The following SORCS3 variants were observed in gnomAD, a reference collection of about 807,000 sequenced individuals.
SORCS3 encodes the protein sortilin related VPS10 domain containing receptor 3, also known as VPS10 domain-containing receptor SorCS3.
A neutral mutation model predicts 146.3 loss-of-function variants in SORCS3; 57 were observed. The observed-to-expected ratio is 0.39, with a 90% CI of 0.31 to 0.49. The LOEUF (loss-of-function observed/expected upper bound fraction) is 0.49, where lower values mean the gene tolerates loss of function less well. Among genes scored for constraint, SORCS3 ranks in the 20% least tolerant of loss-of-function variants. SORCS3 has a pLI of 0.92. For synonymous variants in SORCS3, 653 were observed against 618.5 expected (o/e 1.06, Z -0.83); for missense variants, 1,341 against 1,575.5 (o/e 0.85, Z 2.52).
chr10:104,791,631 G>A (rs1382287155), intron 1 of SORCS3, among the ~76,000 whole-genome samples: 2 of 152,150 alleles, frequency 1.3e-5, no homozygotes, highest in Admixed American at 6.5e-5. Context: ...GTGAAGCTCA[G>A]GCTCTGCAGG....
chr10:105,008,338 C>G (rs2055110387), intron 4 of SORCS3, among the ~76,000 whole-genome samples: 1 of 152,172 alleles, frequency 6.6e-6, no homozygotes, highest in South Asian at 2.1e-4. Flanking sequence ...TCACTGATGT[C>G]TCATGAAAAC....
At position 105,211,205 on chromosome 10, in the gene SORCS3, C is replaced by G; in HGVS notation, c.2330C>G (p.Pro777Arg). The change falls in exon 17 of 27, where the codon CCA becomes CGA. Residue 777 changes from proline (P) to arginine (R), a missense_variant. Pro to Arg is a moderately radical substitution (Grantham distance 103). Transcript: ENST00000369701. The stretch of plus-strand genomic sequence containing the variant: ...GCTTTCTGGTACAATCCAGCATCCC[C>G]ATCAAAGGACTGCAGCCTTGGTCAA... Reference protein sequence around the residue: ...VPAFWYNPASPSKDCSLGQSY... With the variant: ...VPAFWYNPASRSKDCSLGQSY... 1.2e-6 allele frequency: 2 copies of G among 1,614,056 alleles called. No individual in the cohort carries two copies. Among genetic ancestry groups the G allele is most frequent in the Non-Finnish European group, 1.7e-6 (2 of 1,179,948 alleles).
rs1166966300 is a variant in SORCS3 at position 104,929,677 on chromosome 10, A to G, written c.795+13745A>G. On this transcript the variant is annotated intron_variant, in intron 3 of 26. Transcript: ENST00000369701. ...CCCTGGGGACACAGGCTCTAAGCCT[A>G]TCCCAGCAGACTCAATCAACAGGTC... Among the ~76,000 whole-genome samples, 4 of 152,188 alleles carry G rather than the reference A, an allele frequency of 2.6e-5. No individual in the cohort carries two copies. The East Asian group carries it at 7.7e-4, about 29-fold the overall frequency.
At chr10:104,976,400 G>A (rs1384407979) in intron 3 of SORCS3, among the ~76,000 whole-genome samples, 1 of 152,164 alleles carries the variant, frequency 6.6e-6, no homozygotes, top group Non-Finnish European at 1.5e-5. Flanking sequence ...TCATTAAAAA[G>A]TCAGGAAGCA....
intron 5 of SORCS3, among the ~76,000 whole-genome samples, chr10:105,085,756 G>C (rs757773069): frequency 1.3e-5 from 2 of 152,114 alleles, no homozygotes; most frequent in South Asian, 2.1e-4. Flanking sequence ...CTAGTGGTCT[G>C]TCTGTCTCTT....
chr10:104,696,875 C>T (rs373990478), intron 1 of SORCS3, among the ~76,000 whole-genome samples: 4 of 147,444 alleles, frequency 2.7e-5, no homozygotes, highest in Non-Finnish European at 4.4e-5. Context: ...TGAAATAAGC[C>T]GGACACAGAA....
At chr10:104,709,563 T>G (rs926549902) in intron 1 of SORCS3, among the ~76,000 whole-genome samples, 1 of 152,224 alleles carries the variant, frequency 6.6e-6, no homozygotes, top group Non-Finnish European at 1.5e-5. Flanking sequence ...TGTACAATTA[T>G]ATATCTTTTC....
chr10:105,063,950 T>C (rs575264551), intron 5 of SORCS3, among the ~76,000 whole-genome samples: 1 of 152,352 alleles, frequency 6.6e-6, no homozygotes, highest in South Asian at 2.1e-4. Flanking sequence ...GTCCTCTCTA[T>C]GGTAGCAGCT....
chr10:104,855,716 A>AGTGTGTGTGTGTGTGTGT (rs58569291), intron 2 of SORCS3, among the ~76,000 whole-genome samples: 3 of 150,752 alleles, frequency 2.0e-5, no homozygotes, highest in African/African-American at 7.3e-5. Flanking sequence ...TTTGCTTTTG[A>AGTGTGTGTGTGTGTGTGT]GTGTGTGTGT....
At chr10:105,157,377 A>C in intron 10 of SORCS3, 93 bp downstream of exon 10, 1 of 1,478,134 alleles carries the variant, frequency 6.8e-7, no homozygotes, top group South Asian at 1.2e-5. Flanking sequence ...GGGTCTTAGG[A>C]ACTCAGGTGG....
chr10:105,259,303 T>G (rs2119770140), intron 25 of SORCS3, among the ~76,000 whole-genome samples: 1 of 152,328 alleles, frequency 6.6e-6, no homozygotes, highest in South Asian at 2.1e-4. Context: ...GTAAAGACAT[T>G]TCTGTTTCTG....
intron 4 of SORCS3, among the ~76,000 whole-genome samples, chr10:104,988,761 T>C (rs1200335150): frequency 6.6e-6 from 1 of 152,194 alleles, no homozygotes; most frequent in African/African-American, 2.4e-5. Context: ...AAAACAGATA[T>C]AGTGTTTGTT....
At chr10:105,040,920 G>C (rs1340873225) in intron 4 of SORCS3, among the ~76,000 whole-genome samples, 1 of 150,708 alleles carries the variant, frequency 6.6e-6, no homozygotes, top group African/African-American at 2.4e-5. Flanking sequence ...TAGTCACTAT[G>C]CAGCACCAAG....
chr10:104,994,180 T>G (rs1214413181), intron 4 of SORCS3, among the ~76,000 whole-genome samples: 8 of 152,206 alleles, frequency 5.3e-5, no homozygotes, highest in Admixed American at 5.2e-4. Flanking sequence ...GTTACCATCT[T>G]TGCTATCATA....
At chr10:105,176,770 A>G (rs1470222290) in intron 13 of SORCS3, among the ~76,000 whole-genome samples, 1 of 151,794 alleles carries the variant, frequency 6.6e-6, no homozygotes, top group Admixed American at 6.6e-5. Context: ...CAGGAGAATC[A>G]CTTGAACCTG....
chr10:104,665,172 A>G (rs1029804461), intron 1 of SORCS3: 3 of 152,294 alleles, frequency 2.0e-5, no homozygotes, highest in African/African-American at 7.2e-5. Context: ...CTATGCATGT[A>G]TCAGTATGAA....
intron 3 of SORCS3, among the ~76,000 whole-genome samples, chr10:104,947,427 C>T (rs1205905354): frequency 1.3e-5 from 2 of 152,114 alleles, no homozygotes; most frequent in Non-Finnish European, 1.5e-5. Flanking sequence ...GAGCTTCATT[C>T]TCTTTCCTCT....
intron 20 of SORCS3, among the ~76,000 whole-genome samples, chr10:105,236,778 A>G (rs146638528): frequency 2.0e-4 from 31 of 152,282 alleles, no homozygotes; most frequent in Middle Eastern, 3.4e-3. Context: ...TGTAATAATT[A>G]TCTGTGTTAA....
At chr10:105,208,843 A>G (rs2056617559) in intron 16 of SORCS3, among the ~76,000 whole-genome samples, 1 of 152,186 alleles carries the variant, frequency 6.6e-6, no homozygotes, top group African/African-American at 2.4e-5. Flanking sequence ...CACTGAGTCC[A>G]TACGAACTGT....
Sources: gnomAD v4.1 joint callset for allele counts (sites outside exome capture counted in the v4.1 genomes callset) on GRCh38, gnomAD v4.1.1 for gene constraint, MANE v1.5 for transcripts, NCBI Gene and HGNC (gene_info 2026-07-23, HGNC 2026-07-21) for gene names.